The following RHOT1 variants were observed in gnomAD, a reference collection of about 807,000 sequenced individuals.
RHOT1 encodes ras homolog family member T1.
RHOT1 carries 27 observed loss-of-function variants against 95.3 expected under a neutral mutation model. The ratio of observed to expected loss-of-function variants is 0.28; its 90% CI spans 0.21 to 0.39. RHOT1 has a LOEUF of 0.39. Ranked by LOEUF, RHOT1 falls within the 10% of genes least tolerant of loss-of-function variation. The pLI is 1.00. For synonymous variants in RHOT1, 227 were observed against 263.5 expected (o/e 0.86, Z 1.34); for missense variants, 578 against 786.7 (o/e 0.73, Z 3.17).
intron 1 of RHOT1, among the ~76,000 whole-genome samples, chr17:32,161,984 A>G (rs2033604068): frequency 6.6e-6 from 1 of 152,150 alleles, no homozygotes; most frequent in African/African-American, 2.4e-5. Flanking sequence ...AGGGTGCACC[A>G]CCTTCCTGGT....
chr17:32,154,285 T>TA lies in RHOT1; in HGVS notation c.37+11569dup, dbSNP rs539073195. On this transcript the variant is annotated intron_variant, in intron 1 of 19. Coordinates refer to ENST00000545287, the MANE Select transcript of RHOT1 (RefSeq NM_001033566.3). ...GGGAGACCCCGTCTCTACGAGAAATTAAAAAAAAAAAAAGGCCAGGCGCAG... is the reference window on the plus strand; with the variant it reads ...GGGAGACCCCGTCTCTACGAGAAATTAAAAAAAAAAAAAAGGCCAGGCGCAG... Among the ~76,000 whole-genome samples, 313 of 124,760 alleles carry TA rather than the reference T, an allele frequency of 2.5e-3. 1 individual carries two copies. The highest frequency in any genetic ancestry group is 0.014 in the Middle Eastern group (3 of 208). 81.8% of individuals were successfully genotyped at this position (124,760 alleles called of 152,430 possible). A position where few individuals can be genotyped will look rare whatever the true frequency, so the allele number is the denominator to read the frequency against.
At chr17:32,143,641 T>A (rs2142325278) in intron 1 of RHOT1, among the ~76,000 whole-genome samples, 1 of 152,354 alleles carries the variant, frequency 6.6e-6, no homozygotes, top group African/African-American at 2.4e-5. Context: ...TTCCCTCTGT[T>A]CACTGACATG....
chr17:32,144,256 G>T (rs1051994811), intron 1 of RHOT1, among the ~76,000 whole-genome samples: 7 of 152,134 alleles, frequency 4.6e-5, no homozygotes, highest in Admixed American at 4.6e-4. Context: ...CTGGAGTGCA[G>T]TGCCTGGGAT....
chr17:32,224,084 G>C (rs1242663966), intron 19 of RHOT1, among the ~76,000 whole-genome samples: 1 of 152,112 alleles, frequency 6.6e-6, no homozygotes, highest in Non-Finnish European at 1.5e-5. Context: ...TCCCCCTTCG[G>C]GTTTTTTGGG....
intron 1 of RHOT1, among the ~76,000 whole-genome samples, chr17:32,153,166 G>T (rs1029985996): frequency 6.6e-6 from 1 of 151,982 alleles, no homozygotes; most frequent in African/African-American, 2.4e-5. Flanking sequence ...AACTGATGAG[G>T]GCCTTAGAGT....
chr17:32,197,267 C>T (rs1462774521), intron 11 of RHOT1, among the ~76,000 whole-genome samples: 1 of 151,746 alleles, frequency 6.6e-6, no homozygotes, highest in South Asian at 2.1e-4. Flanking sequence ...CTCACTCTGT[C>T]ACCCAGGCTG....
intron 17 of RHOT1, chr17:32,207,301 A>G (rs2037827028): frequency 3.3e-6 from 1 of 304,114 alleles, no homozygotes; most frequent in African/African-American, 2.2e-5. Context: ...CAGCTGTTAA[A>G]AGTTACATAT....
At chr17:32,195,597 T>C (rs2036820879) in intron 11 of RHOT1, among the ~76,000 whole-genome samples, 1 of 152,204 alleles carries the variant, frequency 6.6e-6, no homozygotes, top group Non-Finnish European at 1.5e-5. Context: ...TCTTCATTTT[T>C]TCATTGGCAC....
intron 1 of RHOT1, among the ~76,000 whole-genome samples, chr17:32,145,885 G>A (rs1048715756): frequency 3.9e-5 from 6 of 152,060 alleles, no homozygotes; most frequent in Non-Finnish European, 8.8e-5. Flanking sequence ...GTGAAGTGGC[G>A]TGCACCTGCA....
intron 1 of RHOT1, among the ~76,000 whole-genome samples, chr17:32,148,157 C>G (rs1486724023): frequency 6.6e-6 from 1 of 151,980 alleles, no homozygotes; most frequent in Non-Finnish European, 1.5e-5. Flanking sequence ...CCCAGTTACT[C>G]GGGAGGCCGA....
At chr17:32,205,146 TC>T (rs1346585613) in intron 16 of RHOT1, among the ~76,000 whole-genome samples, 1 of 152,048 alleles carries the variant, frequency 6.6e-6, no homozygotes, top group Non-Finnish European at 1.5e-5. Context: ...TAGGTATTTG[TC>T]CTAATGCTCT....
At chr17:32,218,151 C>G in intron 19 of RHOT1, among the ~76,000 whole-genome samples, 1 of 151,916 alleles carries the variant, frequency 6.6e-6, no homozygotes, top group East Asian at 2.0e-4. Flanking sequence ...GCATGGGCCA[C>G]CATGCCCGTC....
At chr17:32,154,319 G>A (rs371221503) in intron 1 of RHOT1, among the ~76,000 whole-genome samples, 6 of 150,414 alleles carry the variant, frequency 4.0e-5, no homozygotes, top group Non-Finnish European at 5.9e-5. Context: ...AGTGGCTCAC[G>A]CCTGTAATCC....
chr17:32,208,597 T>C (rs1253895427), intron 18 of RHOT1: 1 of 272,278 alleles, frequency 3.7e-6, no homozygotes, highest in Non-Finnish European at 7.0e-6. Flanking sequence ...AAAAATAGTT[T>C]TACTGGAATA....
chr17:32,207,912 T>C (rs372051557), intron 17 of RHOT1, among the ~76,000 whole-genome samples, 195 bp from the exon 18 acceptor site: 2 of 152,208 alleles, frequency 1.3e-5, no homozygotes, highest in Non-Finnish European at 2.9e-5. Context: ...GTCATCAGCA[T>C]TGGAAAAGTG....
chr17:32,155,495 C>CTT lies in RHOT1; in HGVS notation c.37+12782_37+12783dup, dbSNP rs767564866. Among the ~76,000 whole-genome samples the CTT allele has an allele frequency of 8.1e-5, 11 of 135,572 alleles. 1 individual carries two copies. In the South Asian group the frequency reaches 9.5e-4, roughly 12 times the overall value. 88.9% of individuals were successfully genotyped at this position (135,572 alleles called of 152,430 possible). A position where few individuals can be genotyped will look rare whatever the true frequency, so the allele number is the denominator to read the frequency against. ...TTCTTTTCTTTTTCTTTCTTTCTTT[C>CTT]TTTTTTTTTTTTTTTTTAAGTTTTG... On this transcript the variant is annotated intron_variant, in intron 1 of 19. Coordinates refer to ENST00000545287, the MANE Select transcript of RHOT1 (RefSeq NM_001033566.3).
intron 1 of RHOT1, among the ~76,000 whole-genome samples, chr17:32,157,940 G>T (rs1051312287): frequency 2.0e-5 from 3 of 152,138 alleles, no homozygotes; most frequent in Non-Finnish European, 2.9e-5. Context: ...CTCTTTCATG[G>T]CTCACTGCAG....
rs896399309 is a variant in RHOT1, at chr17:32,225,585, C to G, written c.*852C>G. 6.6e-6 allele frequency: 1 copy of G among 152,358 alleles called. No individual in the cohort carries two copies. The highest frequency in any genetic ancestry group is 1.9e-4 in the East Asian group (1 of 5,190). 9.4% of individuals were successfully genotyped at this position (152,358 alleles called of 1,614,324 possible). On this transcript the variant is annotated 3_prime_UTR_variant, in exon 20 of 20. Coordinates refer to ENST00000545287, the MANE Select transcript of RHOT1 (RefSeq NM_001033566.3). ...GTAACTGCATGTGTCACCAAGTGTT[C>G]TATATCAGGCTAGGATAACCTAGAG...
chr17:32,177,312 A>G (rs1245669362), intron 6 of RHOT1, among the ~76,000 whole-genome samples: 1 of 152,240 alleles, frequency 6.6e-6, no homozygotes, highest in Admixed American at 6.5e-5. Context: ...ACTAATGCTT[A>G]CAGTAATGGA....
Sources: gnomAD v4.1 joint callset for allele counts (sites outside exome capture counted in the v4.1 genomes callset) on GRCh38, gnomAD v4.1.1 for gene constraint, MANE v1.5 for transcripts, NCBI Gene and HGNC (gene_info 2026-07-23, HGNC 2026-07-21) for gene names.